MDGA2: variants seen among roughly 807,000 people sequenced by gnomAD.
MDGA2 encodes the protein MAM domain-containing glycosylphosphatidylinositol anchor protein 2.
Under a neutral mutation model 117.8 loss-of-function variants are expected in MDGA2, and 40 were observed. The ratio of observed to expected loss-of-function variants is 0.34; its 90% CI spans 0.26 to 0.44. The LOEUF (loss-of-function observed/expected upper bound fraction) is 0.44, where lower values mean the gene tolerates loss of function less well. MDGA2 is among the 20% of genes least tolerant of loss of function. The probability of loss-of-function intolerance (pLI) is 1.00; values close to 1 mark genes in which losing one functional copy is unlikely to be tolerated. For synonymous variants in MDGA2, 452 were observed against 439.0 expected (o/e 1.03, Z -0.37); for missense variants, 1,123 against 1,250.6 (o/e 0.90, Z 1.54).
chr14:46,962,506 A>G (rs929817550), intron 8 of MDGA2, among the ~76,000 whole-genome samples: 2 of 152,170 alleles, frequency 1.3e-5, no homozygotes, highest in African/African-American at 4.8e-5. Flanking sequence ...TGAAGCTCAA[A>G]TTTGTCCATA....
chr14:47,466,719 A>G (rs2138605066), intron 1 of MDGA2, among the ~76,000 whole-genome samples: 1 of 152,236 alleles, frequency 6.6e-6, no homozygotes, highest in Non-Finnish European at 1.5e-5. Context: ...CTCCTCTGAA[A>G]TAGATGTTTA....
chr14:47,668,648 A>G (rs1353122714), intron 1 of MDGA2, among the ~76,000 whole-genome samples: 2 of 152,232 alleles, frequency 1.3e-5, no homozygotes, highest in African/African-American at 2.4e-5. Context: ...AAGAAACAAA[A>G]GTTATTTTGT....
chr14:47,614,062 G>A (rs1896902480), intron 1 of MDGA2, among the ~76,000 whole-genome samples: 1 of 147,316 alleles, frequency 6.8e-6, no homozygotes, highest in African/African-American at 2.5e-5. Flanking sequence ...GTTTAAATTT[G>A]CCCAGAGATT....
At chr14:47,605,362 A>G (rs1896723867) in intron 1 of MDGA2, among the ~76,000 whole-genome samples, 1 of 152,200 alleles carries the variant, frequency 6.6e-6, no homozygotes, top group Non-Finnish European at 1.5e-5. Flanking sequence ...ACATGCACAC[A>G]CTTTTTATTA....
chr14:47,105,000 G>T (rs916829276), intron 5 of MDGA2, among the ~76,000 whole-genome samples: 2 of 152,202 alleles, frequency 1.3e-5, no homozygotes, highest in Admixed American at 1.3e-4. Context: ...CCAAAACTCC[G>T]GCACCGGTCA....
At chr14:47,366,164 T>G (rs1891226817) in intron 1 of MDGA2, among the ~76,000 whole-genome samples, 1 of 152,162 alleles carries the variant, frequency 6.6e-6, no homozygotes, top group Non-Finnish European at 1.5e-5. Context: ...TTCACATAGC[T>G]CAAACTTCCC....
At chr14:47,656,717 A>G (rs999516042) in intron 1 of MDGA2, among the ~76,000 whole-genome samples, 2 of 152,164 alleles carry the variant, frequency 1.3e-5, no homozygotes, top group Non-Finnish European at 2.9e-5. Context: ...TGTCCCCCAG[A>G]GAGCATCCAC....
intron 1 of MDGA2, among the ~76,000 whole-genome samples, chr14:47,553,863 A>G (rs1288303871): frequency 1.3e-5 from 2 of 152,216 alleles, no homozygotes; most frequent in Non-Finnish European, 1.5e-5. Flanking sequence ...AATGAAGATA[A>G]TATCTAACTA....
intron 3 of MDGA2, among the ~76,000 whole-genome samples, chr14:47,173,682 C>G (rs896331126): frequency 1.3e-5 from 2 of 152,148 alleles, no homozygotes; most frequent in African/African-American, 4.8e-5. Flanking sequence ...CCGGTACCAG[C>G]CACTGCAAAA....
At chr14:47,085,749 C>A (rs1333858702) in intron 6 of MDGA2, among the ~76,000 whole-genome samples, 1 of 151,808 alleles carries the variant, frequency 6.6e-6, no homozygotes, top group Non-Finnish European at 1.5e-5. Flanking sequence ...CTGGCATATT[C>A]AGATTCCTAG....
intron 9 of MDGA2, among the ~76,000 whole-genome samples, chr14:46,923,569 T>A (rs182500297): frequency 1.3e-5 from 2 of 152,226 alleles, no homozygotes; most frequent in African/African-American, 4.8e-5. Flanking sequence ...TAATGATTAG[T>A]AATAAGTAAT....
rs533234393 is a variant in MDGA2, at chr14:47,130,240, T to G, written c.925+1474A>C. On this transcript the variant is annotated intron_variant, in intron 5 of 16. Transcript: ENST00000399232. ...TATGGTTTTAGGTCTAACATTTAAG[T>G]CTTTAATCCATCTTGAATTGATTTT... Among the ~76,000 whole-genome samples the G allele has an allele frequency of 3.9e-5, 6 of 152,252 alleles. No homozygotes were observed. The East Asian group carries it at 1.2e-3, about 29-fold the overall frequency.
intron 3 of MDGA2, among the ~76,000 whole-genome samples, chr14:47,153,077 C>CA: frequency 6.6e-6 from 1 of 152,204 alleles, no homozygotes; most frequent in South Asian, 2.1e-4. Flanking sequence ...GTTTGAGAAA[C>CA]AAAAATGGAC....
intron 1 of MDGA2, among the ~76,000 whole-genome samples, chr14:47,432,674 A>G (rs1892822777): frequency 6.6e-6 from 1 of 152,112 alleles, no homozygotes; most frequent in South Asian, 2.1e-4. Flanking sequence ...TTTGAAAAAA[A>G]GAAAATTTTA....
intron 10 of MDGA2, among the ~76,000 whole-genome samples, chr14:46,907,351 T>G (rs1419131033): frequency 6.6e-6 from 1 of 152,138 alleles, no homozygotes; most frequent in Non-Finnish European, 1.5e-5. Flanking sequence ...GTTCTATCAG[T>G]CCTCTCATTC....
intron 1 of MDGA2, among the ~76,000 whole-genome samples, chr14:47,588,229 G>GATATATATATAT (rs1243073183): frequency 1.1e-3 from 114 of 100,624 alleles, no homozygotes; most frequent in African/African-American, 1.7e-3. Flanking sequence ...ATCTCTTGGA[G>GATATATATATAT]ATAGATAGAT....
chr14:47,277,206 G>T (rs1435093098), intron 2 of MDGA2, among the ~76,000 whole-genome samples: 2 of 152,132 alleles, frequency 1.3e-5, no homozygotes, highest in Non-Finnish European at 2.9e-5. Flanking sequence ...TCTCCTGTGA[G>T]CACTTCCCTT....
At chr14:46,981,744 G>C (rs1315744470) in intron 8 of MDGA2, among the ~76,000 whole-genome samples, 2 of 152,142 alleles carry the variant, frequency 1.3e-5, no homozygotes, top group African/African-American at 4.8e-5. Flanking sequence ...CACACAGAGA[G>C]AAAGAAGTCG....
intron 3 of MDGA2, among the ~76,000 whole-genome samples, chr14:47,191,442 A>G (rs1056155976): frequency 1.3e-5 from 2 of 148,786 alleles, no homozygotes; most frequent in Middle Eastern, 3.3e-3. Context: ...ATATATGAAA[A>G]TTCTAGAAAT....
Sources: allele counts gnomAD v4.1 joint callset (sites outside exome capture counted in the v4.1 genomes callset), GRCh38; gene constraint gnomAD v4.1.1; transcripts MANE v1.5; gene names NCBI Gene and HGNC (gene_info 2026-07-23, HGNC 2026-07-21).